Variants in PGAP2 observed in about 807,000 individuals in gnomAD.
PGAP2 encodes acyltransferase PGAP2.
PGAP2 carries 21 observed loss-of-function variants against 33.2 expected under a neutral mutation model. The observed-to-expected ratio is 0.63, with a 90% CI of 0.45 to 0.91. The LOEUF (loss-of-function observed/expected upper bound fraction) is 0.91. Ranked by LOEUF, PGAP2 falls within the 40% of genes least tolerant of loss-of-function variation. PGAP2 has a pLI of 0.00. For synonymous variants in PGAP2, 161 were observed against 172.9 expected, an observed-to-expected ratio of 0.93 and a Z score of 0.54; for missense variants, 345 against 424.0, an observed-to-expected ratio of 0.81 and a Z score of 1.64.
chr11:3,806,832 A>G (rs572712662), upstream of PGAP2, among the ~76,000 whole-genome samples: 18 of 151,884 alleles, frequency 1.2e-4, no homozygotes, highest in East Asian at 3.5e-3. Flanking sequence ...GACCAGCCTG[A>G]CCAATATGGC....
In PGAP2 at chr11:3,798,158, A is replaced by C. The variant is rs2082838549; in HGVS notation, c.139+176A>C. On this transcript the variant is annotated intron_variant, in intron 1 of 6. Transcript: ENST00000300730. Reference sequence around the variant, plus strand: ...CTTCAGGGCCCTAAATCCTGACCCTATTCTCTCCTGACCCATGCTCGCCCC... The same window carrying C: ...CTTCAGGGCCCTAAATCCTGACCCTCTTCTCTCCTGACCCATGCTCGCCCC... The C allele has an allele frequency of 4.2e-6, 6 of 1,416,936 alleles. No homozygotes were observed. The East Asian group carries it at 1.4e-4, about 32-fold the overall frequency. 87.8% of individuals were successfully genotyped at this position (1,416,936 alleles called of 1,614,324 possible). A position where few individuals can be genotyped will look rare whatever the true frequency, so the allele number is the denominator to read the frequency against.
intron 3 of PGAP2, among the ~76,000 whole-genome samples, chr11:3,821,832 G>C (rs1034152307): frequency 8.4e-5 from 11 of 131,436 alleles, no homozygotes; most frequent in African/African-American, 5.0e-4. Flanking sequence ...AGAGGCCGAG[G>C]GGGGTGGATT....
intron 3 of PGAP2, among the ~76,000 whole-genome samples, chr11:3,822,175 T>C (rs1158198166): frequency 1.3e-5 from 2 of 151,532 alleles, no homozygotes; most frequent in African/African-American, 2.4e-5. Flanking sequence ...CCATCCTGGC[T>C]AACACGGTGA....
At chr11:3,822,391 C>G (rs1175643408) in intron 3 of PGAP2, among the ~76,000 whole-genome samples, 4 of 151,302 alleles carry the variant, frequency 2.6e-5, no homozygotes, top group Non-Finnish European at 5.9e-5. Context: ...CAGATTCTGG[C>G]CAAGCGAGGT....
At chr11:3,798,098 A>G in intron 1 of PGAP2, 1 of 1,491,250 alleles carries the variant, frequency 6.7e-7, no homozygotes, top group South Asian at 1.3e-5. Flanking sequence ...GCCCTCTTGG[A>G]AGGTCTGTCT....
At chr11:3,823,622 A>G (rs1590407701) in intron 3 of PGAP2, 1 of 1,536,846 alleles carries the variant, frequency 6.5e-7, no homozygotes. Flanking sequence ...GGCAGGTTCC[A>G]GTCTGCGGGG....
upstream of PGAP2, chr11:3,797,791 T>G (rs1474337824): frequency 6.5e-7 from 1 of 1,541,576 alleles, no homozygotes; most frequent in African/African-American, 1.4e-5. Context: ...GCCGCCGCGG[T>G]TGGCGGGAGC....
upstream of PGAP2, among the ~76,000 whole-genome samples, chr11:3,805,259 C>CTTTTT (rs1171517604): frequency 4.9e-5 from 6 of 123,210 alleles, no homozygotes; most frequent in Non-Finnish European, 1.0e-4. Flanking sequence ...TGTGGATATT[C>CTTTTT]TTTTTTTTTT....
At chr11:3,804,033 C>T (rs574366995), upstream of PGAP2, among the ~76,000 whole-genome samples, 23 of 152,064 alleles carry the variant, frequency 1.5e-4, no homozygotes, top group Non-Finnish European at 2.2e-4. Context: ...TCAGGCGATC[C>T]GCCTGCCTCA....
At chr11:3,822,971 G>A (rs1289409543) in intron 3 of PGAP2, 2 of 1,528,200 alleles carry the variant, frequency 1.3e-6, no homozygotes, top group African/African-American at 2.8e-5. Context: ...CAAGAACATG[G>A]TCATTTCCTT....
chr11:3,798,956 T>C (rs1211726788), intron 1 of PGAP2, among the ~76,000 whole-genome samples: 2 of 152,168 alleles, frequency 1.3e-5, no homozygotes, highest in Non-Finnish European at 2.9e-5. Context: ...CCCCTACTTA[T>C]TCTTAAAGGA....
Position 3,823,943 on chromosome 11 carries a change from G to A in PGAP2, c.409G>A (p.Val137Met), listed in dbSNP as rs1004641277. 5.0e-6 allele frequency: 8 copies of A among 1,606,630 alleles called. No individual in the cohort carries two copies. Among genetic ancestry groups the A allele is most frequent in the South Asian group, 2.2e-5 (2 of 91,062 alleles). The change falls in exon 4 of 7, where the codon GTG becomes ATG. Residue 137 changes from valine to methionine, a missense_variant. Val to Met is a conservative substitution (Grantham distance 21, BLOSUM62 1). Transcript: ENST00000278243. ...CGGCGGGGAGGTGCCCCAGCGCTACGTGTGGCGTTTCTGCATCGGCCTGCA... is the reference window on the plus strand; with the variant it reads ...CGGCGGGGAGGTGCCCCAGCGCTACATGTGGCGTTTCTGCATCGGCCTGCA... ...AIGGEVPQRY[V>M]WRFCIGLHSA...
chr11:3,822,040 C>T (rs2088812104), intron 3 of PGAP2, among the ~76,000 whole-genome samples: 2 of 150,340 alleles, frequency 1.3e-5, no homozygotes, highest in Admixed American at 1.3e-4. Flanking sequence ...CCTGGGCAAC[C>T]GAAGTGAGAC....
chr11:3,801,715 C>T (rs1352952434), intron 1 of PGAP2, among the ~76,000 whole-genome samples: 2 of 150,310 alleles, frequency 1.3e-5, no homozygotes, highest in Admixed American at 6.6e-5. Context: ...GAGGCTGAGG[C>T]GGGCAGATCA....
chr11:3,822,407 A>G (rs1475240636), intron 3 of PGAP2, among the ~76,000 whole-genome samples: 1 of 151,880 alleles, frequency 6.6e-6, no homozygotes, highest in Admixed American at 6.6e-5. Flanking sequence ...GAGGTGGCTC[A>G]TGCCTGTAGT....
intron 1 of PGAP2, among the ~76,000 whole-genome samples, chr11:3,799,005 T>A (rs978785930): frequency 6.6e-6 from 1 of 152,242 alleles, no homozygotes; most frequent in African/African-American, 2.4e-5. Context: ...AGTGATACAT[T>A]TGCCAAGCTT....
In PGAP2 at chr11:3,825,434, T is replaced by C; in HGVS notation, c.924T>C (p.Ser308=). ...GGAACAAGGAGCTGCTCATAACCTC[T>C]CAGCCTGAGGAAAAGCGATTCTGAA... ...DFGNKELLIT[S]QPEEKRF The change falls in exon 7 of 7, where the codon TCT becomes TCC. Residue 308 remains serine (S), a synonymous_variant. Coordinates refer to ENST00000278243, the MANE Select transcript of PGAP2 (RefSeq NM_014489.4). The C allele has an allele frequency of 1.2e-6, 2 of 1,613,634 alleles. No homozygotes were observed. Among genetic ancestry groups the C allele is most frequent in the South Asian group, 2.2e-5 (2 of 91,030 alleles).
At chr11:3,804,199 C>T (rs993117705), upstream of PGAP2, among the ~76,000 whole-genome samples, 2 of 152,194 alleles carry the variant, frequency 1.3e-5, no homozygotes, top group South Asian at 2.1e-4. Flanking sequence ...ACCAAAGTGT[C>T]ATGCTCATAA....
upstream of PGAP2, among the ~76,000 whole-genome samples, chr11:3,807,597 C>T (rs531707385): frequency 1.3e-5 from 2 of 151,974 alleles, no homozygotes; most frequent in Non-Finnish European, 2.9e-5. Flanking sequence ...CGTGAGCTAC[C>T]GCGCCTGGCC....
Sources: gnomAD v4.1 joint callset for allele counts (sites outside exome capture counted in the v4.1 genomes callset) on GRCh38, gnomAD v4.1.1 for gene constraint, MANE v1.5 for transcripts, NCBI Gene and HGNC (gene_info 2026-07-23, HGNC 2026-07-21) for gene names.